The following ATP11C variants were observed in gnomAD, a reference collection of about 807,000 sequenced individuals.
ATP11C encodes phospholipid-transporting ATPase IG.
A neutral mutation model predicts 97.4 loss-of-function variants in ATP11C; 36 were observed. The observed-to-expected ratio is 0.37, with a 90% CI of 0.28 to 0.49. The LOEUF (loss-of-function observed/expected upper bound fraction) is 0.49, where lower values mean the gene tolerates loss of function less well. ATP11C is among the 20% of genes least tolerant of loss of function. The pLI is 0.98. For synonymous variants in ATP11C, 275 were observed against 290.9 expected, an observed-to-expected ratio of 0.95 and a Z score of 0.56; for missense variants, 730 against 824.6, an observed-to-expected ratio of 0.89 and a Z score of 1.40.
At chrX:139,787,588 G>A (rs777327297) in intron 14 of ATP11C, among the ~76,000 whole-genome samples, 5 of 112,780 alleles carry the variant, frequency 4.4e-5, no homozygotes, top group Non-Finnish European at 9.4e-5. Flanking sequence ...GTGAGCCACC[G>A]CACCTGGTCT....
chrX:139,833,447 T>C (rs1603395334), intron 1 of ATP11C, among the ~76,000 whole-genome samples: 1 of 111,365 alleles, frequency 9.0e-6, no homozygotes, highest in South Asian at 3.9e-4. Context: ...CTTGGACCTG[T>C]AATCCCAATG....
intron 1 of ATP11C, among the ~76,000 whole-genome samples, chrX:139,885,978 G>A (rs2084634751): frequency 1.8e-5 from 2 of 110,816 alleles, no homozygotes; most frequent in Non-Finnish European, 3.8e-5. Context: ...AGAAGGCAGG[G>A]AATCCACTCT....
In ATP11C at chrX:139,932,107, A is replaced by C; in HGVS notation, c.-65T>G. Reference sequence around the variant, plus strand: ...GGCTGTCTGGGAAGGCGCCGTCCACAAAACACACTGCGGCGTGGGCCGGCG... The same window carrying C: ...GGCTGTCTGGGAAGGCGCCGTCCACCAAACACACTGCGGCGTGGGCCGGCG... On this transcript the variant is annotated 5_prime_UTR_variant, in exon 1 of 30. Coordinates refer to ENST00000682941, the MANE Select transcript of ATP11C (RefSeq NM_001353812.2). The C allele has an allele frequency of 2.8e-6, 3 of 1,057,312 alleles. No homozygotes were observed. 87.1% of individuals were successfully genotyped at this position (1,057,312 alleles called of 1,213,427 possible).
chrX:139,768,774 T>C (rs2082187886), intron 19 of ATP11C, among the ~76,000 whole-genome samples: 1 of 109,433 alleles, frequency 9.1e-6, no homozygotes, highest in Non-Finnish European at 1.9e-5. Context: ...GCAGTTGATT[T>C]CAAGTAAGAG....
At chrX:139,877,626 G>A (rs2084495359) in intron 1 of ATP11C, among the ~76,000 whole-genome samples, 1 of 112,070 alleles carries the variant, frequency 8.9e-6, no homozygotes, top group African/African-American at 3.2e-5. Flanking sequence ...GCGGCAGTGG[G>A]TAGCAAACTT....
chrX:139,776,389 G>GA (rs1485337475), intron 18 of ATP11C, among the ~76,000 whole-genome samples: 1 of 112,041 alleles, frequency 8.9e-6, no homozygotes. Context: ...GAACTTGGGG[G>GA]AAAGGCTCGG....
chrX:139,731,175 C>T (rs1048856855), intron 29 of ATP11C, among the ~76,000 whole-genome samples: 2 of 111,735 alleles, frequency 1.8e-5, no homozygotes, highest in Admixed American at 9.5e-5. Flanking sequence ...AACACACAGA[C>T]ACAGCACATG....
At chrX:139,865,156 T>G (rs1261477714) in intron 1 of ATP11C, among the ~76,000 whole-genome samples, 1 of 111,688 alleles carries the variant, frequency 9.0e-6, no homozygotes, top group Admixed American at 9.5e-5. Flanking sequence ...GCAGGATTGC[T>G]TGAGCCCAGG....
At chrX:139,779,318 T>C (rs1198415367) in intron 18 of ATP11C, among the ~76,000 whole-genome samples, 1 of 112,178 alleles carries the variant, frequency 8.9e-6, no homozygotes, top group East Asian at 2.8e-4. Flanking sequence ...TTCTCTAAAA[T>C]TGATCACATG....
chrX:139,926,207 C>A (rs2085349277), intron 1 of ATP11C, among the ~76,000 whole-genome samples: 1 of 111,424 alleles, frequency 9.0e-6, no homozygotes, highest in African/African-American at 3.3e-5. Context: ...TCCACCTAAC[C>A]AGAAAAACTC....
chrX:139,750,117 A>C lies in ATP11C; in HGVS notation c.2736T>G (p.Asn912Lys). The change falls in exon 24 of 30, where the codon AAT becomes AAG. Residue 912 changes from asparagine to lysine, a missense_variant. By Grantham distance (94) the Asn-to-Lys change is moderately conservative. Transcript: ENST00000682941. ...LYDAAYLTMY[N>K]ICFTSLPILA... ...GGATGGGCAAGGATGTGAAGCAGAT[A>C]TTGTACATTGTAAGGTAAGCAGCAT... is the stretch of plus-strand genomic sequence containing the variant. The C allele has an allele frequency of 8.3e-7, 1 of 1,202,809 alleles. No individual in the cohort carries two copies.
At chrX:139,778,451 C>A (rs762723376) in intron 18 of ATP11C, among the ~76,000 whole-genome samples, 1 of 111,936 alleles carries the variant, frequency 8.9e-6, no homozygotes, top group Non-Finnish European at 1.9e-5. Flanking sequence ...AGGAACAAAA[C>A]CTCACATATC....
intron 1 of ATP11C, among the ~76,000 whole-genome samples, chrX:139,845,631 TAA>T (rs1365079049): frequency 7.1e-5 from 8 of 111,977 alleles, no homozygotes; most frequent in Admixed American, 3.8e-4. Flanking sequence ...AGTTTATACA[TAA>T]AATACTCTTA....
At chrX:139,798,249 A>G in intron 10 of ATP11C, 24 bp downstream of exon 10, 2 of 1,155,917 alleles carry the variant, frequency 1.7e-6, no homozygotes, top group Non-Finnish European at 2.3e-6. Context: ...AATAATGACT[A>G]AATAAATTGT....
intron 1 of ATP11C, among the ~76,000 whole-genome samples, chrX:139,910,613 A>G (rs950468320): frequency 9.1e-6 from 1 of 109,926 alleles, no homozygotes; most frequent in Non-Finnish European, 1.9e-5. Flanking sequence ...CTCAAAAAAA[A>G]AAAAAGAATT....
Position 139,913,750 on chromosome X carries a change from C to G in ATP11C, c.27+18266G>C, listed in dbSNP as rs190449868. Among the ~76,000 whole-genome samples, 274 of 111,569 alleles carry G rather than the reference C, an allele frequency of 2.5e-3. 3 individuals are homozygous for G. The highest frequency in any genetic ancestry group is 8.5e-3 in the African/African-American group (260 of 30,687). ...ACCCCTATCTCCCTTCGTTGACTCTCTTTTTGGACTCAGCCCGCCTGCACC... is the reference window on the plus strand; with the variant it reads ...ACCCCTATCTCCCTTCGTTGACTCTGTTTTTGGACTCAGCCCGCCTGCACC... On this transcript the variant is annotated intron_variant, in intron 1 of 29. Transcript: ENST00000682941.
chrX:139,852,769 C>T (rs779614891), intron 1 of ATP11C, among the ~76,000 whole-genome samples: 3 of 110,180 alleles, frequency 2.7e-5, no homozygotes, highest in Non-Finnish European at 3.8e-5. Context: ...TACCAGCACA[C>T]CAACACTAAC....
chrX:139,788,168 G>A (rs757392891), intron 14 of ATP11C, 24 bp downstream of exon 14: 59 of 1,142,933 alleles, frequency 5.2e-5, no homozygotes, highest in Non-Finnish European at 6.8e-5. Context: ...TTTCTTAGGA[G>A]AAGTATAAGA....
chrX:139,738,363 C>G (rs1330324782), intron 27 of ATP11C, among the ~76,000 whole-genome samples: 2 of 112,006 alleles, frequency 1.8e-5, no homozygotes, highest in Admixed American at 1.9e-4. Context: ...TTAGAAAATG[C>G]TGGTGCTTAA....
Sources: allele counts gnomAD v4.1 joint callset (sites outside exome capture counted in the v4.1 genomes callset), GRCh38; gene constraint gnomAD v4.1.1; transcripts MANE v1.5; gene names NCBI Gene and HGNC (gene_info 2026-07-23, HGNC 2026-07-21).